FAM53B: variants seen among roughly 807,000 people sequenced by gnomAD.
FAM53B encodes the protein family with sequence similarity 53 member B.
Under a neutral mutation model 32.7 loss-of-function variants are expected in FAM53B, and 12 were observed. The ratio of observed to expected loss-of-function variants is 0.37; its 90% CI spans 0.24 to 0.59. The LOEUF (loss-of-function observed/expected upper bound fraction) is 0.59. FAM53B is among the 20% of genes least tolerant of loss of function. The probability of loss-of-function intolerance (pLI) is 0.72; values close to 1 mark genes in which losing one functional copy is unlikely to be tolerated. For synonymous variants in FAM53B, 234 were observed against 228.7 expected (o/e 1.02, Z -0.21); for missense variants, 477 against 577.7 (o/e 0.83, Z 1.79).
At chr10:124,704,671 CA>C (rs1489615145) in intron 2 of FAM53B, among the ~76,000 whole-genome samples, 1 of 152,120 alleles carries the variant, frequency 6.6e-6, no homozygotes, top group African/African-American at 2.4e-5. Context: ...GAGATGAGGT[CA>C]AAGCAGTCAC....
At position 124,733,616 on chromosome 10, in the gene FAM53B, CAAG is replaced by C. The variant is rs1950158382; in HGVS notation, c.-175+10394_-175+10396del. 6.6e-6 allele frequency among the ~76,000 whole-genome samples: 1 copy of C among 152,218 alleles called. No individual in the cohort carries two copies. Among genetic ancestry groups the C allele is most frequent in the Admixed American group, 6.5e-5 (1 of 15,288 alleles). Reference sequence around the variant, plus strand: ...TTCTTTAGTTCCAGCGCAGCACAGACAAGAAGTTCTGGAAGCTCTTGGGAATCC... The same window carrying C: ...TTCTTTAGTTCCAGCGCAGCACAGACAAGTTCTGGAAGCTCTTGGGAATCC... On this transcript the variant is annotated intron_variant, in intron 1 of 4. Coordinates refer to ENST00000337318, the MANE Select transcript of FAM53B (RefSeq NM_014661.4). This position sits in a 1 kb window ranked among gnomAD's most constrained non-coding sequence, Gnocchi z 4.3.
intron 4 of FAM53B, among the ~76,000 whole-genome samples, chr10:124,644,346 C>CGTGA (rs1366946781): frequency 6.6e-6 from 1 of 152,206 alleles, no homozygotes; most frequent in African/African-American, 2.4e-5. Context: ...AGCCCCTTCA[C>CGTGA]GTCCTCTGCC....
chr10:124,636,198 C>T (rs1021262251), intron 4 of FAM53B, among the ~76,000 whole-genome samples: 4 of 152,180 alleles, frequency 2.6e-5, no homozygotes, highest in African/African-American at 9.7e-5. Context: ...GTCGAATTCC[C>T]ACCCCATCTC....
At chr10:124,738,912 A>G (rs1446366414) in intron 1 of FAM53B, among the ~76,000 whole-genome samples, 1 of 152,198 alleles carries the variant, frequency 6.6e-6, no homozygotes, top group Non-Finnish European at 1.5e-5. Context: ...TTTCCCCCAG[A>G]AGGTCACTGG....
chr10:124,739,319 G>C (rs1950188107), intron 1 of FAM53B, among the ~76,000 whole-genome samples: 1 of 152,268 alleles, frequency 6.6e-6, no homozygotes, highest in African/African-American at 2.4e-5. Flanking sequence ...CTGAGCCTCA[G>C]CTGTAACTGC....
chr10:124,743,802 C>T (rs901634700), intron 1 of FAM53B, among the ~76,000 whole-genome samples: 4 of 151,940 alleles, frequency 2.6e-5, no homozygotes, highest in African/African-American at 9.7e-5. Flanking sequence ...GACCGAGCGC[C>T]CGGAGAAACC....
chr10:124,687,149 T>C (rs1373733688), intron 3 of FAM53B, among the ~76,000 whole-genome samples: 2 of 152,204 alleles, frequency 1.3e-5, no homozygotes, highest in African/African-American at 4.8e-5. Context: ...AAGCGATTTG[T>C]TGGGTCAGAT....
chr10:124,682,767 G>A lies in FAM53B; in HGVS notation c.134-388C>T, dbSNP rs1406967367. Among the ~76,000 whole-genome samples, 3 of 152,206 alleles carry A rather than the reference G, an allele frequency of 2.0e-5. No individual in the cohort carries two copies. The highest frequency in any genetic ancestry group is 2.1e-4 in the South Asian group (1 of 4,832). On this transcript the variant is annotated intron_variant, in intron 3 of 4. Transcript: ENST00000337318. This position sits in a 1 kb window ranked among gnomAD's most constrained non-coding sequence, Gnocchi z 5.2. ...CCTGCCCCTGGCTGATGAGAGAGTC[G>A]GGACAAGACATCTGTTAAGTGCCAC...
intron 1 of FAM53B, among the ~76,000 whole-genome samples, chr10:124,731,819 C>T (rs1950145371): frequency 1.3e-5 from 2 of 152,178 alleles, no homozygotes; most frequent in African/African-American, 4.8e-5. Flanking sequence ...CTTCCCCGAC[C>T]TTGGAGACGG....
At chr10:124,683,421 T>C (rs888688177) in intron 3 of FAM53B, among the ~76,000 whole-genome samples, 2 of 152,152 alleles carry the variant, frequency 1.3e-5, no homozygotes, top group Non-Finnish European at 2.9e-5. Context: ...CATGCACATG[T>C]GAATGGCTTG....
intron 2 of FAM53B, among the ~76,000 whole-genome samples, chr10:124,696,880 T>C (rs944310547): frequency 6.6e-6 from 1 of 152,168 alleles, no homozygotes; most frequent in African/African-American, 2.4e-5. Context: ...TGGTTTCCCT[T>C]TCCACTGCAA....
chr10:124,703,003 T>C (rs1240999687), intron 2 of FAM53B, among the ~76,000 whole-genome samples: 2 of 152,142 alleles, frequency 1.3e-5, no homozygotes, highest in Non-Finnish European at 2.9e-5. Context: ...CTGCCATGAC[T>C]GGAAGCTTCG....
chr10:124,655,458 C>G (rs374266388), intron 4 of FAM53B, among the ~76,000 whole-genome samples: 27 of 152,112 alleles, frequency 1.8e-4, no homozygotes, highest in African/African-American at 6.0e-4. Context: ...TCTCATCCCA[C>G]GAAGCTTCTC....
At chr10:124,628,445 G>A (rs983432596) in intron 4 of FAM53B, among the ~76,000 whole-genome samples, 1 of 152,192 alleles carries the variant, frequency 6.6e-6, no homozygotes, top group African/African-American at 2.4e-5. Context: ...GGAGGGTTCC[G>A]GAGAGGAGAG....
At chr10:124,727,986 GGC>G (rs1267374658) in intron 1 of FAM53B, among the ~76,000 whole-genome samples, 1 of 152,132 alleles carries the variant, frequency 6.6e-6, no homozygotes, top group African/African-American at 2.4e-5. Flanking sequence ...GACCACATCT[GGC>G]CCCCAGACCC....
intron 4 of FAM53B, among the ~76,000 whole-genome samples, chr10:124,650,086 A>G (rs1266925436): frequency 6.6e-6 from 1 of 152,230 alleles, no homozygotes; most frequent in East Asian, 1.9e-4. Flanking sequence ...CGACAGGTAC[A>G]GATGACATAA....
intron 3 of FAM53B, among the ~76,000 whole-genome samples, chr10:124,683,846 C>T (rs1286277676): frequency 6.6e-6 from 1 of 152,208 alleles, no homozygotes; most frequent in Non-Finnish European, 1.5e-5. Context: ...GACTACAAAC[C>T]TATCTCCACT....
chr10:124,644,137 G>A (rs1277938955), intron 4 of FAM53B, among the ~76,000 whole-genome samples: 1 of 152,192 alleles, frequency 6.6e-6, no homozygotes, highest in African/African-American at 2.4e-5. Flanking sequence ...TATAGTTGGG[G>A]GAAGAGGGTA....
At chr10:124,661,484 C>G (rs898597308) in intron 4 of FAM53B, among the ~76,000 whole-genome samples, 1 of 152,236 alleles carries the variant, frequency 6.6e-6, no homozygotes, top group Admixed American at 6.5e-5. Flanking sequence ...CAAACAGGAT[C>G]TGACACCTGG....
Sources: gnomAD v4.1 joint callset for allele counts (sites outside exome capture counted in the v4.1 genomes callset) on GRCh38, gnomAD v4.1.1 for gene constraint, Gnocchi (gnomAD v3.1) non-coding constraint, MANE v1.5 for transcripts, NCBI Gene and HGNC (gene_info 2026-07-23, HGNC 2026-07-21) for gene names.